Variants in PALM2AKAP2 observed in about 807,000 individuals in gnomAD.
The protein encoded by PALM2AKAP2 is PALM2-AKAP2 fusion protein.
A neutral mutation model predicts 71.5 loss-of-function variants in PALM2AKAP2; 37 were observed. That is an observed-to-expected ratio of 0.52 (90% CI 0.40 to 0.68). PALM2AKAP2 has a LOEUF of 0.68. PALM2AKAP2 is among the 30% of genes least tolerant of loss of function. The pLI is 0.00. For missense variants in PALM2AKAP2, 1,224 were observed against 1,191.8 expected (o/e 1.03, Z -0.40); for synonymous variants, 468 against 478.8 (o/e 0.98, Z 0.29).
At chr9:109,910,777 A>T (rs60131064) in intron 3 of PALM2AKAP2, among the ~76,000 whole-genome samples, 8,845 of 152,134 alleles carry the variant, frequency 0.058, 365 homozygotes, top group Admixed American at 0.12. Flanking sequence ...CATGGACTTG[A>T]CTAGGAGCAG....
chr9:110,139,856 C>G (rs1486580527), intron 2 of PALM2AKAP2, among the ~76,000 whole-genome samples: 1 of 152,162 alleles, frequency 6.6e-6, no homozygotes, highest in Non-Finnish European at 1.5e-5. Flanking sequence ...CTGATGTTTT[C>G]ATATGATGAT....
At chr9:109,717,772 CAT>C (rs1332167545) in intron 1 of PALM2AKAP2, among the ~76,000 whole-genome samples, 2 of 152,228 alleles carry the variant, frequency 1.3e-5, no homozygotes, top group East Asian at 3.9e-4. Context: ...CAGAAAAGCA[CAT>C]GTTTCCATGA....
chr9:110,155,780 G>T (rs1425568726), intron 2 of PALM2AKAP2, among the ~76,000 whole-genome samples: 3 of 152,192 alleles, frequency 2.0e-5, no homozygotes, highest in African/African-American at 7.2e-5. Context: ...TATAACACTG[G>T]GCTGTCTGCA....
chr9:109,810,849 T>G (rs186833681), intron 1 of PALM2AKAP2, among the ~76,000 whole-genome samples: 2 of 152,240 alleles, frequency 1.3e-5, no homozygotes, highest in East Asian at 3.9e-4. Flanking sequence ...ATAGAGAGGC[T>G]GTTCTTGTGC....
At chr9:109,676,381 G>A (rs1365370706) in intron 1 of PALM2AKAP2, among the ~76,000 whole-genome samples, 1 of 152,156 alleles carries the variant, frequency 6.6e-6, no homozygotes, top group Admixed American at 6.5e-5. Context: ...CGTAGATGGA[G>A]GCACCTTAAT....
chr9:109,833,536 G>T lies in PALM2AKAP2; in HGVS notation c.46-33955G>T, dbSNP rs528693151. ...ACTCCACCCTGTTTCCTGAGGCCCA[G>T]TCAGCGGTCCCAGCTTCTGGTCTGT... On this transcript the variant is annotated intron_variant, in intron 1 of 9. Coordinates refer to the PALM2AKAP2 transcript ENST00000302798. 1.1e-4 allele frequency among the ~76,000 whole-genome samples: 17 copies of T among 152,260 alleles called. 1 individual carries two copies. The South Asian group carries it at 2.9e-3, about 26-fold the overall frequency.
At chr9:110,096,647 C>T (rs1588106694) in intron 1 of PALM2AKAP2, among the ~76,000 whole-genome samples, 2 of 152,050 alleles carry the variant, frequency 1.3e-5, no homozygotes, top group Non-Finnish European at 1.5e-5. Context: ...TCTTTTCATA[C>T]TAGCCAGTCT....
intron 6 of PALM2AKAP2, among the ~76,000 whole-genome samples, chr9:109,972,796 T>A (rs1832095223): frequency 6.6e-6 from 1 of 152,186 alleles, no homozygotes; most frequent in African/African-American, 2.4e-5. Context: ...ACCACGTGAC[T>A]TTTGTCTCCC....
At chr9:109,786,514 G>T (rs1338049145) in intron 1 of PALM2AKAP2, among the ~76,000 whole-genome samples, 1 of 152,184 alleles carries the variant, frequency 6.6e-6, no homozygotes, top group Non-Finnish European at 1.5e-5. Flanking sequence ...AAAATTCCAT[G>T]TTAAGGCCTA....
At chr9:109,752,684 T>C (rs1828902191) in intron 1 of PALM2AKAP2, among the ~76,000 whole-genome samples, 2 of 152,098 alleles carry the variant, frequency 1.3e-5, no homozygotes, top group Admixed American at 6.6e-5. Context: ...TGCTAAGGAT[T>C]TGGGGCTATT....
chr9:110,030,095 A>G (rs922836434), intron 7 of PALM2AKAP2, among the ~76,000 whole-genome samples: 1 of 152,254 alleles, frequency 6.6e-6, no homozygotes, highest in Non-Finnish European at 1.5e-5. Context: ...GAGAAATGGC[A>G]TAGAAGTTTA....
chr9:109,946,845 A>C (rs553502878), intron 6 of PALM2AKAP2: 1 of 152,212 alleles, frequency 6.6e-6, no homozygotes, highest in South Asian at 2.1e-4. Flanking sequence ...AATGATAAAG[A>C]TTAATTCTAC....
chr9:109,796,115 A>G (rs954648028), intron 1 of PALM2AKAP2, among the ~76,000 whole-genome samples: 6 of 152,212 alleles, frequency 3.9e-5, no homozygotes, highest in Non-Finnish European at 8.8e-5. Context: ...CTTGTTCTGT[A>G]TCTTGGACTC....
intron 1 of PALM2AKAP2, among the ~76,000 whole-genome samples, chr9:109,865,337 G>A (rs1467389852): frequency 6.6e-6 from 1 of 152,024 alleles, no homozygotes; most frequent in Non-Finnish European, 1.5e-5. Context: ...GACCTCGGGT[G>A]ATCCACCCAC....
At chr9:109,895,152 C>G (rs1453654206) in intron 3 of PALM2AKAP2, among the ~76,000 whole-genome samples, 1 of 152,202 alleles carries the variant, frequency 6.6e-6, no homozygotes, top group East Asian at 1.9e-4. Flanking sequence ...GTAACTAATG[C>G]AAAAGCAAAT....
intron 1 of PALM2AKAP2, among the ~76,000 whole-genome samples, chr9:110,097,221 T>C (rs1300781062): frequency 2.7e-5 from 4 of 150,120 alleles, no homozygotes; most frequent in Admixed American, 6.6e-5. Context: ...TTAATCCATT[T>C]AACCCTGAGT....
intron 6 of PALM2AKAP2, among the ~76,000 whole-genome samples, chr9:109,966,922 C>T (rs1178347509): frequency 3.9e-5 from 6 of 152,304 alleles, no homozygotes; most frequent in Middle Eastern, 6.8e-3. Flanking sequence ...TGTTAAGGAA[C>T]GGAGTTCCAT....
At chr9:110,074,109 A>T (rs1195304027) in intron 1 of PALM2AKAP2, among the ~76,000 whole-genome samples, 1 of 152,248 alleles carries the variant, frequency 6.6e-6, no homozygotes, top group Non-Finnish European at 1.5e-5. Flanking sequence ...GCACAAATGC[A>T]TGAGTTAGAT....
At chr9:109,954,913 C>T (rs908848792) in intron 6 of PALM2AKAP2, among the ~76,000 whole-genome samples, 6 of 152,142 alleles carry the variant, frequency 3.9e-5, no homozygotes, top group African/African-American at 1.4e-4. Context: ...CTGTTCTCCC[C>T]ACTGGCAATT....
Sources: allele counts gnomAD v4.1 joint callset (sites outside exome capture counted in the v4.1 genomes callset), GRCh38; gene constraint gnomAD v4.1.1; transcripts MANE v1.5; gene names NCBI Gene and HGNC (gene_info 2026-07-23, HGNC 2026-07-21).